Variants in STIM1 observed in about 807,000 individuals in gnomAD.
STIM1 encodes stromal interaction molecule 1.
STIM1 carries 25 observed loss-of-function variants against 74.7 expected under a neutral mutation model. The observed-to-expected ratio is 0.33, with a 90% CI of 0.24 to 0.47. The LOEUF (loss-of-function observed/expected upper bound fraction) is 0.47, where lower values mean the gene tolerates loss of function less well. Ranked by LOEUF, STIM1 falls within the 20% of genes least tolerant of loss-of-function variation. The probability of loss-of-function intolerance (pLI) is 1.00; values close to 1 mark genes in which losing one functional copy is unlikely to be tolerated. For synonymous variants in STIM1, 328 were observed against 348.8 expected (o/e 0.94, Z 0.66); for missense variants, 728 against 920.8 (o/e 0.79, Z 2.71).
intron 1 of STIM1, among the ~76,000 whole-genome samples, chr11:3,915,587 C>T (rs544340883): frequency 3.9e-4 from 59 of 151,876 alleles, no homozygotes; most frequent in South Asian, 8.3e-4. Flanking sequence ...TTAGTAGAGA[C>T]GGGGTTTCAC....
chr11:3,880,620 GT>G lies in STIM1; in HGVS notation c.139+24214del, dbSNP rs202043933. On this transcript the variant is annotated intron_variant, in intron 1 of 12. Transcript: ENST00000526596. ...TGAAACCAGATATTGCTCCAAAGCT[GT>G]TTGTTAAATACTTCCCTACTCTTCC... Among the ~76,000 whole-genome samples, 594 of 152,276 alleles carry G rather than the reference GT, an allele frequency of 3.9e-3. 3 individuals carry two copies. The highest frequency in any genetic ancestry group is 0.027 in the Middle Eastern group (8 of 292).
At chr11:3,981,091 A>G (rs1312352205) in intron 2 of STIM1, among the ~76,000 whole-genome samples, 1 of 152,046 alleles carries the variant, frequency 6.6e-6, no homozygotes, top group Non-Finnish European at 1.5e-5. Context: ...TCTGCCTCCC[A>G]GGTTCCGATG....
intron 2 of STIM1, among the ~76,000 whole-genome samples, chr11:4,012,229 A>G (rs1452793162): frequency 6.6e-6 from 1 of 152,128 alleles, no homozygotes; most frequent in Non-Finnish European, 1.5e-5. Flanking sequence ...TTCCATATGA[A>G]CTTTAAAGTA....
At chr11:4,018,610 A>G (rs1186015271) in intron 2 of STIM1, among the ~76,000 whole-genome samples, 1 of 145,716 alleles carries the variant, frequency 6.9e-6, no homozygotes, top group Non-Finnish European at 1.5e-5. Context: ...GTGCCCCTGC[A>G]CTCCAGCCTG....
intron 1 of STIM1, chr11:3,892,528 C>T (rs2091927044): frequency 8.2e-6 from 13 of 1,593,356 alleles, no homozygotes; most frequent in Non-Finnish European, 1.1e-5. Context: ...CATCCAACCA[C>T]TCAGTCTTGG....
intron 7 of STIM1, among the ~76,000 whole-genome samples, chr11:4,075,637 A>C (rs1388486599): frequency 1.3e-5 from 2 of 151,998 alleles, no homozygotes; most frequent in Admixed American, 6.5e-5. Context: ...GTTGATAAAC[A>C]TTTGGGTTGT....
intron 2 of STIM1, among the ~76,000 whole-genome samples, chr11:3,995,740 A>C (rs2093657401): frequency 6.6e-6 from 1 of 150,376 alleles, no homozygotes; most frequent in Non-Finnish European, 1.5e-5. Flanking sequence ...AACCTCCTGG[A>C]CTCCAGTGAT....
In STIM1 at chr11:3,998,952, T is replaced by C. The variant is rs74969219; in HGVS notation, c.271-24921T>C. 1.1e-3 allele frequency among the ~76,000 whole-genome samples: 173 copies of C among 152,360 alleles called. 1 individual carries two copies. The highest frequency in any genetic ancestry group is 4.0e-3 in the African/African-American group (165 of 41,592). On this transcript the variant is annotated intron_variant, in intron 2 of 12. Transcript: ENST00000526596. ...TAATTATTTTAGACTTTGATAGCCATAGAGTCTCTGTTACAAATACTCAAC... is the reference window on the plus strand; with the variant it reads ...TAATTATTTTAGACTTTGATAGCCACAGAGTCTCTGTTACAAATACTCAAC...
chr11:3,935,000 C>T (rs2092915614), intron 1 of STIM1, among the ~76,000 whole-genome samples: 3 of 152,244 alleles, frequency 2.0e-5, no homozygotes, highest in African/African-American at 7.2e-5. Flanking sequence ...AACCTGTTCC[C>T]TGTAATAGCA....
intron 1 of STIM1, chr11:3,892,499 C>T: frequency 6.4e-7 from 1 of 1,569,434 alleles, no homozygotes; most frequent in Non-Finnish European, 8.8e-7. Context: ...TTTCGCCTTG[C>T]CAAAGACCAC....
chr11:3,996,342 G>A (rs1317547534), intron 2 of STIM1, among the ~76,000 whole-genome samples: 1 of 152,164 alleles, frequency 6.6e-6, no homozygotes, highest in Non-Finnish European at 1.5e-5. Flanking sequence ...ATGAGCCAGG[G>A]CAATGCCAGT....
chr11:3,856,029 A>T lies in STIM1; in HGVS notation c.-242A>T. Reference sequence around the variant, plus strand: ...AAGTCTCCGGAAGCGGCACGAGCTCAGGCCGCCGCAGCCCCGGCGGACCCA... The same window carrying T: ...AAGTCTCCGGAAGCGGCACGAGCTCTGGCCGCCGCAGCCCCGGCGGACCCA... On this transcript the variant is annotated 5_prime_UTR_variant, in exon 1 of 13. Coordinates refer to ENST00000526596, the MANE Select transcript of STIM1 (RefSeq NM_001382567.1). 1.8e-6 allele frequency: 1 copy of T among 552,128 alleles called. No individual in the cohort carries two copies. The highest frequency in any genetic ancestry group is 3.3e-6 in the Non-Finnish European group (1 of 306,112). 34.2% of individuals were successfully genotyped at this position (552,128 alleles called of 1,614,324 possible). A position where few individuals can be genotyped will look rare whatever the true frequency, so the allele number is the denominator to read the frequency against.
intron 2 of STIM1, among the ~76,000 whole-genome samples, chr11:4,015,324 A>G (rs1317161211): frequency 6.6e-6 from 1 of 152,174 alleles, no homozygotes; most frequent in Admixed American, 6.5e-5. Context: ...GTTTGGCTGG[A>G]TATGAAATTC....
At chr11:3,990,939 AT>A (rs991625980) in intron 2 of STIM1, among the ~76,000 whole-genome samples, 3 of 151,940 alleles carry the variant, frequency 2.0e-5, no homozygotes, top group African/African-American at 4.8e-5. Context: ...TCCAATGGGA[AT>A]TTTTTCAGTC....
chr11:3,863,927 A>G (rs2090742986), intron 1 of STIM1, among the ~76,000 whole-genome samples: 1 of 152,132 alleles, frequency 6.6e-6, no homozygotes, highest in Non-Finnish European at 1.5e-5. Context: ...TATCATAGGT[A>G]CGTATGTGTA....
intron 7 of STIM1, among the ~76,000 whole-genome samples, chr11:4,079,536 T>C (rs991502795): frequency 2.6e-5 from 4 of 151,820 alleles, no homozygotes; most frequent in African/African-American, 9.7e-5. Context: ...ATCACATCAC[T>C]GCACTCCAGC....
Position 3,943,941 on chromosome 11 carries a change from A to T in STIM1, c.140-23611A>T, listed in dbSNP as rs58102592. Among the ~76,000 whole-genome samples, 1,374 of 152,362 alleles carry T rather than the reference A, an allele frequency of 9.0e-3. 22 individuals are homozygous for T. The highest frequency in any genetic ancestry group is 0.032 in the African/African-American group (1,316 of 41,584). ...AATGTATTAGTCAAAGGATATCTTCATCTATATTGAAGTACAAGCTAGAAA... is the reference window on the plus strand; with the variant it reads ...AATGTATTAGTCAAAGGATATCTTCTTCTATATTGAAGTACAAGCTAGAAA... On this transcript the variant is annotated intron_variant, in intron 1 of 12. Transcript: ENST00000526596.
intron 1 of STIM1, among the ~76,000 whole-genome samples, chr11:3,911,028 C>T (rs779352592): frequency 2.6e-5 from 4 of 152,066 alleles, no homozygotes; most frequent in Non-Finnish European, 4.4e-5. Flanking sequence ...AACAAATCTA[C>T]AAGTCTCATC....
At chr11:4,016,749 G>T (rs575088107) in intron 2 of STIM1, among the ~76,000 whole-genome samples, 1 of 152,284 alleles carries the variant, frequency 6.6e-6, no homozygotes, top group Admixed American at 6.5e-5. Context: ...TGTGAGCATA[G>T]AACTGCCTAC....
Sources: gnomAD v4.1 joint callset for allele counts (sites outside exome capture counted in the v4.1 genomes callset) on GRCh38, gnomAD v4.1.1 for gene constraint, MANE v1.5 for transcripts, NCBI Gene and HGNC (gene_info 2026-07-23, HGNC 2026-07-21) for gene names.